CREM: variants seen among roughly 807,000 people sequenced by gnomAD.
The protein encoded by CREM is cAMP-responsive element modulator.
A neutral mutation model predicts 37.3 loss-of-function variants in CREM; 13 were observed. That is an observed-to-expected ratio of 0.35 (90% CI 0.23 to 0.55). The LOEUF (loss-of-function observed/expected upper bound fraction) is 0.55, where lower values mean the gene tolerates loss of function less well. CREM is among the 20% of genes least tolerant of loss of function. CREM has a pLI of 0.88. For missense variants in CREM, 296 were observed against 362.3 expected (o/e 0.82, Z 1.49); for synonymous variants, 124 against 120.2 (o/e 1.03, Z -0.21).
At chr10:35,204,461 A>G (rs1424729830) in intron 6 of CREM, among the ~76,000 whole-genome samples, 1 of 152,068 alleles carries the variant, frequency 6.6e-6, no homozygotes, top group Admixed American at 6.5e-5. Flanking sequence ...TTAGCTGGGC[A>G]TGATGGCGCG....
chr10:35,207,211 T>G (rs1181354138), intron 7 of CREM, among the ~76,000 whole-genome samples, 160 bp downstream of exon 7: 1 of 148,430 alleles, frequency 6.7e-6, no homozygotes, highest in Admixed American at 6.8e-5. Context: ...GCTAACACGG[T>G]GAAACCCCAT....
At position 35,212,618 on chromosome 10, in the gene CREM, C is replaced by T. The variant is rs1201140415; in HGVS notation, c.*1220C>T. On this transcript the variant is annotated 3_prime_UTR_variant, in exon 8 of 8. Coordinates refer to ENST00000685392, the MANE Select transcript of CREM (RefSeq NM_183011.2). ...CTTGCACGCGCCCTTTCTACCATCT[C>T]ACGGTGGGGATGGCCGCAGGGCTGT... 1 of 152,764 alleles carries T rather than the reference C, an allele frequency of 6.5e-6. No homozygotes were observed. Among genetic ancestry groups the T allele is most frequent in the South Asian group, 2.1e-4 (1 of 4,832 alleles). 9.5% of individuals were successfully genotyped at this position (152,764 alleles called of 1,614,324 possible). A position where few individuals can be genotyped will look rare whatever the true frequency, so the allele number is the denominator to read the frequency against.
At chr10:35,202,834 T>A (rs1178157730) in intron 6 of CREM, among the ~76,000 whole-genome samples, 1 of 152,208 alleles carries the variant, frequency 6.6e-6, no homozygotes, top group Non-Finnish European at 1.5e-5. Context: ...CTAATACATC[T>A]GAATATATCA....
At position 35,206,908 on chromosome 10, in the gene CREM, C is replaced by T. The variant is rs1198322424; in HGVS notation, c.612C>T (p.Asp204=). 2 of 1,613,560 alleles carry T rather than the reference C, an allele frequency of 1.2e-6. No homozygotes were observed. Among genetic ancestry groups the T allele is most frequent in the African/African-American group, 1.3e-5 (1 of 74,906 alleles). Residue 204 remains aspartate (D), a synonymous_variant, in exon 7 of 8, where the codon GAC becomes GAT. Transcript: ENST00000685392. ...SQVVVQAATG[D]MPTYQIRAPT... is the part of the protein sequence containing the mutation. ...GTTTTACTGCAGCTGCCACTGGTGA[C>T]ATGCCAACTTACCAGATCCGAGCTC...
intron 6 of CREM, among the ~76,000 whole-genome samples, chr10:35,203,225 T>C (rs192926299): frequency 1.3e-5 from 2 of 152,222 alleles, no homozygotes; most frequent in African/African-American, 4.8e-5. Flanking sequence ...TTTGTATGTC[T>C]TGTAGAGATC....
At chr10:35,183,635 T>A (rs1048233314) in intron 5 of CREM, among the ~76,000 whole-genome samples, 1 of 152,254 alleles carries the variant, frequency 6.6e-6, no homozygotes, top group Non-Finnish European at 1.5e-5. Flanking sequence ...AACAAAGGTC[T>A]GTTTGCTGCT....
At chr10:35,178,197 A>G (rs2094182867) in intron 3 of CREM, among the ~76,000 whole-genome samples, 1 of 152,166 alleles carries the variant, frequency 6.6e-6, no homozygotes, top group African/African-American at 2.4e-5. Context: ...TCATTATTTT[A>G]GTTTTCTGAC....
At chr10:35,197,679 G>A (rs1207018260) in intron 6 of CREM, among the ~76,000 whole-genome samples, 4 of 152,104 alleles carry the variant, frequency 2.6e-5, no homozygotes, top group African/African-American at 7.2e-5. Context: ...GAATGGTCTC[G>A]ATCTCCTGAC....
At chr10:35,187,054 AAT>A (rs1382853802) in intron 5 of CREM, among the ~76,000 whole-genome samples, 79 of 66,766 alleles carry the variant, frequency 1.2e-3, no homozygotes, top group African/African-American at 4.2e-3. Flanking sequence ...ATATATAATT[AAT>A]ATATATAATT....
At position 35,196,113 on chromosome 10, in the gene CREM, T is replaced by G. The variant is rs1403491927; in HGVS notation, c.598+7725T>G. The G allele has an allele frequency of 1.9e-6, 3 of 1,613,942 alleles. No individual in the cohort carries two copies. The African/African-American group carries it at 4.0e-5, about 22-fold the overall frequency. ...GCCAGCTTAGTGGTAAGATCGAGCC[T>G]CCTACTGAGGCCGTCCCTGCATGCG... On this transcript the variant is annotated intron_variant, in intron 6 of 7. Coordinates refer to ENST00000685392, the MANE Select transcript of CREM (RefSeq NM_183011.2).
chr10:35,148,969 T>G (rs1564817574), intron 3 of CREM, among the ~76,000 whole-genome samples: 2 of 152,226 alleles, frequency 1.3e-5, no homozygotes, highest in Admixed American at 1.3e-4. Context: ...AGATATCTAT[T>G]AAAAATATAG....
chr10:35,196,392 C>T, intron 6 of CREM: 1 of 418,664 alleles, frequency 2.4e-6, no homozygotes, highest in East Asian at 4.4e-5. Context: ...TGTGTGCTTG[C>T]AGTGTTGTTT....
intron 3 of CREM, among the ~76,000 whole-genome samples, chr10:35,170,854 GC>G (rs2093779930): frequency 6.6e-6 from 1 of 152,072 alleles, no homozygotes; most frequent in Non-Finnish European, 1.5e-5. Context: ...TGACGCTCTT[GC>G]TTATAAGTTT....
At chr10:35,168,752 TC>T (rs1469113953) in intron 3 of CREM, among the ~76,000 whole-genome samples, 1 of 152,240 alleles carries the variant, frequency 6.6e-6, no homozygotes, top group African/African-American at 2.4e-5. Flanking sequence ...AAGTCTTTAA[TC>T]CGTCTTGAAT....
chr10:35,129,631 CT>C (rs1462807178), intron 1 of CREM, among the ~76,000 whole-genome samples: 1 of 152,136 alleles, frequency 6.6e-6, no homozygotes, highest in Non-Finnish European at 1.5e-5. Flanking sequence ...TGTCCTGTTC[CT>C]TTTAGATAGA....
chr10:35,207,785 T>G (rs1330489946), intron 7 of CREM, among the ~76,000 whole-genome samples: 6 of 151,880 alleles, frequency 4.0e-5, no homozygotes, highest in Non-Finnish European at 8.8e-5. Context: ...AAAAAAAAAT[T>G]ACAGTTTTCA....
At chr10:35,153,660 G>GAATT (rs2092725893) in intron 3 of CREM, among the ~76,000 whole-genome samples, 1 of 152,128 alleles carries the variant, frequency 6.6e-6, no homozygotes, top group Non-Finnish European at 1.5e-5. Flanking sequence ...CTCCATAGCT[G>GAATT]CTGCTGAAGC....
intron 5 of CREM, among the ~76,000 whole-genome samples, chr10:35,180,229 T>C (rs1351427963): frequency 6.6e-6 from 1 of 152,220 alleles, no homozygotes; most frequent in Non-Finnish European, 1.5e-5. Flanking sequence ...TAAAAAGAGC[T>C]ACTTAGGTAC....
At chr10:35,160,602 C>T (rs1483812322) in intron 3 of CREM, among the ~76,000 whole-genome samples, 1 of 152,174 alleles carries the variant, frequency 6.6e-6, no homozygotes, top group Non-Finnish European at 1.5e-5. Flanking sequence ...ACTTGATAAA[C>T]ATTGTACACT....
Sources: allele counts gnomAD v4.1 joint callset (sites outside exome capture counted in the v4.1 genomes callset), GRCh38; gene constraint gnomAD v4.1.1; transcripts MANE v1.5; gene names NCBI Gene and HGNC (gene_info 2026-07-23, HGNC 2026-07-21).